The following ANTXR1 variants were observed in gnomAD, a reference collection of about 807,000 sequenced individuals.
ANTXR1 encodes the protein ANTXR cell adhesion molecule 1.
In ANTXR1, 19 loss-of-function variants were observed where a neutral mutation model predicts 78.1. That is an observed-to-expected ratio of 0.24 (90% CI 0.17 to 0.36). The LOEUF (loss-of-function observed/expected upper bound fraction) is 0.36, where lower values mean the gene tolerates loss of function less well. ANTXR1 is among the 10% of genes least tolerant of loss of function. The pLI is 1.00. For missense variants in ANTXR1, 518 were observed against 718.6 expected (o/e 0.72, Z 3.19); for synonymous variants, 273 against 260.5 (o/e 1.05, Z -0.46).
intron 3 of ANTXR1, among the ~76,000 whole-genome samples, chr2:69,046,365 A>G (rs974321479): frequency 1.3e-5 from 2 of 152,030 alleles, no homozygotes; most frequent in Admixed American, 1.3e-4. Flanking sequence ...TTCCAGACCC[A>G]TTGTGGTTTG....
intron 13 of ANTXR1, among the ~76,000 whole-genome samples, chr2:69,154,826 G>T (rs998981526): frequency 2.6e-5 from 4 of 152,150 alleles, no homozygotes; most frequent in African/African-American, 7.2e-5. Context: ...AACCTGCAAG[G>T]CCCCCACCCC....
chr2:69,247,532 C>G lies in ANTXR1; in HGVS notation c.*2047C>G, dbSNP rs936504551. On this transcript the variant is annotated 3_prime_UTR_variant, in exon 18 of 18. Transcript: ENST00000303714. ...CCCCCCAGCCTCTCCCCAACCCTGC[C>G]GCATTGTCTAATTTTTAGAACACTA... 34 of 152,694 alleles carry G rather than the reference C, an allele frequency of 2.2e-4. No homozygotes were observed. The highest frequency in any genetic ancestry group is 7.7e-4 in the African/African-American group (32 of 41,420). 9.5% of individuals were successfully genotyped at this position (152,694 alleles called of 1,614,324 possible).
intron 17 of ANTXR1, among the ~76,000 whole-genome samples, chr2:69,239,922 G>A (rs1013451988): frequency 1.3e-5 from 2 of 152,174 alleles, no homozygotes; most frequent in African/African-American, 4.8e-5. Context: ...GCTTTTTGTT[G>A]AGAACAATTT....
intron 2 of ANTXR1, among the ~76,000 whole-genome samples, chr2:69,042,531 G>C (rs947690550): frequency 3.3e-5 from 5 of 151,904 alleles, no homozygotes; most frequent in Non-Finnish European, 7.4e-5. Context: ...CTTTCCCCTG[G>C]CTCCTTCCCC....
intron 16 of ANTXR1, among the ~76,000 whole-genome samples, chr2:69,191,454 A>C (rs368821084): frequency 1.3e-5 from 2 of 152,208 alleles, no homozygotes; most frequent in South Asian, 4.1e-4. Context: ...CCTTCCCAGC[A>C]CTGTCATTCA....
intron 12 of ANTXR1, among the ~76,000 whole-genome samples, chr2:69,136,491 G>C (rs1315279198): frequency 6.6e-6 from 1 of 152,144 alleles, no homozygotes; most frequent in African/African-American, 2.4e-5. Context: ...AATCAATTTT[G>C]AAAATCTCAT....
At chr2:69,042,608 C>G (rs1423935838) in intron 2 of ANTXR1, among the ~76,000 whole-genome samples, 2 of 152,202 alleles carry the variant, frequency 1.3e-5, no homozygotes, top group Non-Finnish European at 2.9e-5. Flanking sequence ...CAGTGAAACT[C>G]TTGATCTTGT....
intron 1 of ANTXR1, among the ~76,000 whole-genome samples, chr2:69,037,408 T>C (rs1007862738): frequency 3.9e-5 from 6 of 152,166 alleles, no homozygotes; most frequent in Admixed American, 3.3e-4. Flanking sequence ...GCCTTATGCA[T>C]AAGGTAGTGA....
intron 17 of ANTXR1, among the ~76,000 whole-genome samples, chr2:69,219,093 A>G (rs555490030): frequency 6.6e-6 from 1 of 152,310 alleles, no homozygotes; most frequent in Non-Finnish European, 1.5e-5. Flanking sequence ...GATAAGACCC[A>G]AGGTCATAAC....
At chr2:69,169,013 T>C (rs560340481) in intron 13 of ANTXR1, among the ~76,000 whole-genome samples, 7 of 152,346 alleles carry the variant, frequency 4.6e-5, no homozygotes, top group Non-Finnish European at 1.0e-4. Flanking sequence ...GATGACGTTA[T>C]CAATAATGGT....
At position 69,249,123 on chromosome 2, in the gene ANTXR1, AC is replaced by A. The variant is rs1172488485; in HGVS notation, c.*3641del. On this transcript the variant is annotated 3_prime_UTR_variant, in exon 18 of 18. Coordinates refer to ENST00000303714, the MANE Select transcript of ANTXR1 (RefSeq NM_032208.3). ...ACTGGGCAAAACCTGTACAATGACA[AC>A]CCTGGAAGTTGCTTTTTTTAAAAAA... 1 of 152,168 alleles carries A rather than the reference AC, an allele frequency of 6.6e-6. No individual in the cohort carries two copies. Among genetic ancestry groups the A allele is most frequent in the African/African-American group, 2.4e-5 (1 of 41,444 alleles). 9.4% of individuals were successfully genotyped at this position (152,168 alleles called of 1,614,324 possible).
intron 17 of ANTXR1, among the ~76,000 whole-genome samples, chr2:69,228,711 C>T (rs1022662353): frequency 1.3e-5 from 2 of 152,148 alleles, no homozygotes; most frequent in African/African-American, 2.4e-5. Flanking sequence ...CCATAACAAA[C>T]AACTTGTCCC....
intron 1 of ANTXR1, among the ~76,000 whole-genome samples, chr2:69,026,077 G>A (rs72895417): frequency 0.068 from 10,389 of 152,252 alleles, 684 homozygotes; most frequent in East Asian, 0.23. Flanking sequence ...GTAACAATTA[G>A]CGGAAGTTCT....
At chr2:69,031,883 A>G (rs1331518887) in intron 1 of ANTXR1, among the ~76,000 whole-genome samples, 2 of 152,170 alleles carry the variant, frequency 1.3e-5, no homozygotes, top group Non-Finnish European at 2.9e-5. Context: ...GAAAAACAGA[A>G]TCCCCCACTG....
intron 9 of ANTXR1, among the ~76,000 whole-genome samples, chr2:69,094,734 G>A (rs1028254784): frequency 2.6e-5 from 4 of 152,192 alleles, no homozygotes; most frequent in Admixed American, 2.0e-4. Context: ...AGCTCTGGGC[G>A]AGGCAGCGAG....
At chr2:69,078,274 G>A (rs1312330261) in intron 8 of ANTXR1, among the ~76,000 whole-genome samples, 1 of 152,234 alleles carries the variant, frequency 6.6e-6, no homozygotes, top group Non-Finnish European at 1.5e-5. Context: ...CTGCAATGAT[G>A]TTCAGATGCT....
chr2:69,027,023 T>C (rs562819593), intron 1 of ANTXR1, among the ~76,000 whole-genome samples: 1 of 152,162 alleles, frequency 6.6e-6, no homozygotes, highest in South Asian at 2.1e-4. Flanking sequence ...GTTGCCAAAT[T>C]GTAAAAAAAT....
chr2:69,047,168 A>G (rs1411639218), intron 3 of ANTXR1, among the ~76,000 whole-genome samples: 1 of 152,186 alleles, frequency 6.6e-6, no homozygotes, highest in Non-Finnish European at 1.5e-5. Flanking sequence ...TGGATTTGGT[A>G]TACTCAGGGA....
chr2:69,062,074 A>T (rs1171738971), intron 3 of ANTXR1, among the ~76,000 whole-genome samples: 1 of 152,222 alleles, frequency 6.6e-6, no homozygotes, highest in Non-Finnish European at 1.5e-5. Context: ...AGAAGCTTCC[A>T]TACTTAAAGG....
Sources: allele counts gnomAD v4.1 joint callset (sites outside exome capture counted in the v4.1 genomes callset), GRCh38; gene constraint gnomAD v4.1.1; transcripts MANE v1.5; gene names NCBI Gene and HGNC (gene_info 2026-07-23, HGNC 2026-07-21).